SOX5: variants seen among roughly 807,000 people sequenced by gnomAD.
The protein encoded by SOX5 is SRY-box transcription factor 5, also known as transcription factor SOX-5.
In SOX5, 9 loss-of-function variants were observed where a neutral mutation model predicts 92.0. The ratio of observed to expected loss-of-function variants is 0.10; its 90% CI spans 0.06 to 0.17. The LOEUF (loss-of-function observed/expected upper bound fraction) is 0.17, where lower values mean the gene tolerates loss of function less well. Ranked by LOEUF, SOX5 falls within the 10% of genes least tolerant of loss-of-function variation. The pLI, the probability that SOX5 is intolerant of heterozygous loss-of-function variation, is 1.00. For missense variants in SOX5, 642 were observed against 944.5 expected, an observed-to-expected ratio of 0.68 and a Z score of 4.20; for synonymous variants, 344 against 336.3, an observed-to-expected ratio of 1.02 and a Z score of -0.25.
intron 4 of SOX5, among the ~76,000 whole-genome samples, chr12:23,998,540 C>A (rs1951257639): frequency 6.6e-6 from 1 of 152,068 alleles, no homozygotes; most frequent in African/African-American, 2.4e-5. Context: ...AATGGTGGCT[C>A]ATGCCTGTAA....
chr12:23,604,941 CCT>C (rs1369182738), intron 8 of SOX5, among the ~76,000 whole-genome samples: 1 of 152,064 alleles, frequency 6.6e-6, no homozygotes, highest in Non-Finnish European at 1.5e-5. Context: ...GCCCTGTATG[CCT>C]CTTTCTTTGA....
intron 1 of SOX5, among the ~76,000 whole-genome samples, chr12:23,935,085 T>C (rs1432392429): frequency 6.6e-6 from 1 of 151,254 alleles, no homozygotes; most frequent in Non-Finnish European, 1.5e-5. Context: ...TTAACGCATA[T>C]TCATCCATCA....
chr12:23,815,166 G>A (rs1307604057), intron 3 of SOX5, among the ~76,000 whole-genome samples: 1 of 152,102 alleles, frequency 6.6e-6, no homozygotes, highest in Non-Finnish European at 1.5e-5. Context: ...TATAAAGCAT[G>A]CAGGTCAGTT....
intron 1 of SOX5, among the ~76,000 whole-genome samples, chr12:24,490,673 C>A (rs1302675507): frequency 6.6e-6 from 1 of 151,978 alleles, no homozygotes; most frequent in Non-Finnish European, 1.5e-5. Context: ...ATACACACAC[C>A]ATATTTTTTT....
intron 4 of SOX5, among the ~76,000 whole-genome samples, chr12:24,046,468 A>C (rs1241302133): frequency 1.3e-5 from 2 of 152,202 alleles, no homozygotes; most frequent in African/African-American, 4.8e-5. Context: ...AAAGCTTATT[A>C]ATATCTGTGA....
At chr12:24,417,976 T>G (rs1264238140) in intron 1 of SOX5, among the ~76,000 whole-genome samples, 21 of 152,226 alleles carry the variant, frequency 1.4e-4, no homozygotes, top group Admixed American at 1.4e-3. Flanking sequence ...TAGGTACTCA[T>G]GTAATTCATA....
Position 24,450,123 on chromosome 12 carries a change from AGAACAGGACTT to A in SOX5, c.-250-81495_-250-81485del, listed in dbSNP as rs567748985. On this transcript the variant is annotated intron_variant, in intron 1 of 4. Coordinates refer to the SOX5 transcript ENST00000446891. ...AGGAATTTCCCAAAATTTGTTCCTT[AGAACAGGACTT>A]GAGATAATTTATGAAATTCACATTT... is the stretch of plus-strand genomic sequence containing the variant. 1.7e-3 allele frequency among the ~76,000 whole-genome samples: 259 copies of A among 152,360 alleles called. 1 individual carries two copies. The highest frequency in any genetic ancestry group is 3.2e-3 in the Non-Finnish European group (218 of 68,044).
At chr12:23,691,397 T>C (rs2088779312) in intron 6 of SOX5, among the ~76,000 whole-genome samples, 1 of 152,222 alleles carries the variant, frequency 6.6e-6, no homozygotes. Flanking sequence ...CAGAATAAAT[T>C]AGAAGTTATT....
chr12:24,519,793 G>C (rs77449943), intron 1 of SOX5, among the ~76,000 whole-genome samples: 2 of 152,012 alleles, frequency 1.3e-5, no homozygotes, highest in East Asian at 1.9e-4. Context: ...ATCTTAACAA[G>C]GTCACCTTGG....
chr12:23,628,766 A>G (rs1379954254), intron 8 of SOX5, among the ~76,000 whole-genome samples: 1 of 151,838 alleles, frequency 6.6e-6, no homozygotes, highest in East Asian at 1.9e-4. Context: ...TCCACAGGAA[A>G]CAGCAAATTT....
At chr12:23,599,286 T>C (rs115037888) in intron 9 of SOX5, among the ~76,000 whole-genome samples, 113 of 152,332 alleles carry the variant, frequency 7.4e-4, no homozygotes, top group African/African-American at 2.5e-3. Context: ...AATCTGATTG[T>C]GTCTGGTCAG....
chr12:24,151,466 C>A (rs919293425), intron 4 of SOX5, among the ~76,000 whole-genome samples: 5 of 152,018 alleles, frequency 3.3e-5, no homozygotes, highest in African/African-American at 1.2e-4. Context: ...GCCAAAATAT[C>A]AATTAACTAT....
intron 3 of SOX5, among the ~76,000 whole-genome samples, chr12:24,273,646 T>C (rs1410756473): frequency 6.6e-6 from 1 of 152,188 alleles, no homozygotes; most frequent in Non-Finnish European, 1.5e-5. Flanking sequence ...TTTTTGGCTT[T>C]CTTAGTCCTC....
rs557471427 is a variant in SOX5 at position 24,423,418 on chromosome 12, T to C, written c.-250-54779A>G. 2.0e-5 allele frequency among the ~76,000 whole-genome samples: 3 copies of C among 152,316 alleles called. No individual in the cohort carries two copies. The South Asian group carries it at 6.2e-4, about 32-fold the overall frequency. On this transcript the variant is annotated intron_variant, in intron 1 of 4. Transcript: ENST00000446891. ...TCTATGATTAATCTACTATACACTA[T>C]CAAAGAGTATTAAAACTATAAAACG...
At chr12:23,663,679 G>A (rs1216821739) in intron 7 of SOX5, among the ~76,000 whole-genome samples, 1 of 151,856 alleles carries the variant, frequency 6.6e-6, no homozygotes, top group African/African-American at 2.4e-5. Flanking sequence ...TGTATTTAAT[G>A]TGAACAGTAA....
intron 1 of SOX5, among the ~76,000 whole-genome samples, chr12:24,451,695 A>C (rs950862916): frequency 3.9e-5 from 6 of 152,210 alleles, no homozygotes; most frequent in Non-Finnish European, 7.3e-5. Context: ...TTTCATTTTA[A>C]CCTGGGCTCT....
intron 4 of SOX5, among the ~76,000 whole-genome samples, chr12:24,015,295 C>G (rs1953468434): frequency 6.6e-6 from 1 of 152,070 alleles, no homozygotes; most frequent in Non-Finnish European, 1.5e-5. Context: ...AAAAGCCAGC[C>G]TCAAAGCTGG....
intron 4 of SOX5, among the ~76,000 whole-genome samples, chr12:24,200,486 T>C (rs896093175): frequency 1.3e-5 from 2 of 151,580 alleles, no homozygotes; most frequent in African/African-American, 4.9e-5. Context: ...AATAGTAAAG[T>C]GTTACTTTTT....
intron 5 of SOX5, among the ~76,000 whole-genome samples, chr12:23,736,005 T>C (rs183358120): frequency 6.6e-6 from 1 of 152,298 alleles, no homozygotes; most frequent in Admixed American, 6.5e-5. Flanking sequence ...TGAATGGATA[T>C]CTAATAAGAG....
Sources: allele counts gnomAD v4.1 joint callset (sites outside exome capture counted in the v4.1 genomes callset), GRCh38; gene constraint gnomAD v4.1.1; transcripts MANE v1.5; gene names NCBI Gene and HGNC (gene_info 2026-07-23, HGNC 2026-07-21).